PCSK5: variants seen among roughly 807,000 people sequenced by gnomAD.
The protein encoded by PCSK5 is proprotein convertase subtilisin/kexin type 5.
Under a neutral mutation model 233.2 loss-of-function variants are expected in PCSK5, and 129 were observed. The observed-to-expected ratio is 0.55, with a 90% confidence interval of 0.48 to 0.64. The LOEUF is 0.64. Ranked by LOEUF, PCSK5 falls within the 30% of genes least tolerant of loss-of-function variation. PCSK5 has a pLI of 0.00. For synonymous variants in PCSK5, 825 were observed against 879.2 expected, an observed-to-expected ratio of 0.94 and a Z score of 1.09; for missense variants, 2,076 against 2,430.1, an observed-to-expected ratio of 0.85 and a Z score of 3.06.
intron 30 of PCSK5, among the ~76,000 whole-genome samples, chr9:76,318,415 C>T (rs1256594197): frequency 1.3e-5 from 2 of 151,650 alleles, no homozygotes; most frequent in Non-Finnish European, 2.9e-5. Flanking sequence ...CACATGTATA[C>T]CTATGTAACA....
intron 1 of PCSK5, among the ~76,000 whole-genome samples, chr9:75,903,620 T>C (rs973198159): frequency 5.5e-5 from 8 of 145,052 alleles, no homozygotes; most frequent in African/African-American, 1.8e-4. Context: ...ATTATATATA[T>C]ATATAAAATA....
At chr9:76,010,404 T>C (rs1827680944) in intron 3 of PCSK5, among the ~76,000 whole-genome samples, 1 of 152,214 alleles carries the variant, frequency 6.6e-6, no homozygotes, top group African/African-American at 2.4e-5. Context: ...CACATCCTTT[T>C]AAAGGAAGTT....
chr9:76,309,592 G>A (rs1248562827), intron 29 of PCSK5, among the ~76,000 whole-genome samples: 2 of 151,916 alleles, frequency 1.3e-5, no homozygotes, highest in African/African-American at 2.4e-5. Flanking sequence ...CTACGTGGGA[G>A]GCTGAGACAT....
chr9:76,018,333 C>T (rs11791182), intron 3 of PCSK5, among the ~76,000 whole-genome samples: 45,818 of 152,010 alleles, frequency 0.3, 8,257 homozygotes, highest in Non-Finnish European at 0.41. Context: ...GCAGGGGTCC[C>T]CAAGCCCCGG....
intron 3 of PCSK5, among the ~76,000 whole-genome samples, chr9:75,988,467 A>G (rs1221428700): frequency 6.6e-6 from 1 of 151,880 alleles, no homozygotes; most frequent in African/African-American, 2.4e-5. Context: ...GTTTTTGTAG[A>G]AGAAGGGTTT....
intron 22 of PCSK5, among the ~76,000 whole-genome samples, chr9:76,235,012 C>G (rs377623329): frequency 2.8e-4 from 42 of 152,294 alleles, no homozygotes; most frequent in South Asian, 2.3e-3. Flanking sequence ...TGCACTTCCC[C>G]CTTCATGAGC....
intron 2 of PCSK5, among the ~76,000 whole-genome samples, chr9:75,955,149 C>T (rs891752720): frequency 1.3e-5 from 2 of 152,132 alleles, no homozygotes; most frequent in Non-Finnish European, 2.9e-5. Flanking sequence ...ATGCTTCCGA[C>T]AAACTTTGGG....
rs552862473 is a variant in PCSK5 at position 76,087,115 on chromosome 9, G to A, written c.895-8775G>A. 9.2e-5 allele frequency among the ~76,000 whole-genome samples: 14 copies of A among 152,260 alleles called. No homozygotes were observed. In the South Asian group the frequency reaches 2.7e-3, roughly 29 times the overall value. ...AAATCTACACAATTGTGATATTGCTGTCAGGAGCCAAGGGTCACACCAACT... is the reference window on the plus strand; with the variant it reads ...AAATCTACACAATTGTGATATTGCTATCAGGAGCCAAGGGTCACACCAACT... On this transcript the variant is annotated intron_variant, in intron 7 of 37. Coordinates refer to ENST00000674117, the MANE Select transcript of PCSK5 (RefSeq NM_001372043.1).
At chr9:76,210,919 C>T (rs911322991) in intron 20 of PCSK5, among the ~76,000 whole-genome samples, 1 of 152,084 alleles carries the variant, frequency 6.6e-6, no homozygotes, top group Admixed American at 6.5e-5. Flanking sequence ...GAGGAGGGAT[C>T]GGGGATGACT....
intron 24 of PCSK5, among the ~76,000 whole-genome samples, chr9:76,253,290 G>A (rs116041321): frequency 0.028 from 4,270 of 151,922 alleles, 213 homozygotes; most frequent in African/African-American, 0.096. Flanking sequence ...AGCTTCAGAG[G>A]AAGGTTTAGA....
intron 2 of PCSK5, among the ~76,000 whole-genome samples, chr9:75,937,617 C>G (rs914981302): frequency 1.3e-5 from 2 of 152,244 alleles, no homozygotes. Flanking sequence ...AGCCAGGCAC[C>G]TGCTTCTTTC....
intron 3 of PCSK5, among the ~76,000 whole-genome samples, chr9:76,004,144 A>G (rs1563966838): frequency 6.6e-6 from 1 of 151,972 alleles, no homozygotes; most frequent in Non-Finnish European, 1.5e-5. Flanking sequence ...CCTCTGCCTT[A>G]TTGCAGGAAT....
chr9:76,226,799 T>A (rs1390032116), intron 20 of PCSK5, among the ~76,000 whole-genome samples: 1 of 152,120 alleles, frequency 6.6e-6, no homozygotes, highest in African/African-American at 2.4e-5. Flanking sequence ...TTACTTTCCA[T>A]GAGATTGGCC....
intron 24 of PCSK5, chr9:76,287,854 G>C (rs762516655): frequency 2.8e-5 from 6 of 212,428 alleles, no homozygotes; most frequent in African/African-American, 1.4e-4. Flanking sequence ...CATACTTCAG[G>C]CTTCTGCAGG....
At chr9:75,935,350 A>G (rs1824004966) in intron 2 of PCSK5, among the ~76,000 whole-genome samples, 1 of 152,214 alleles carries the variant, frequency 6.6e-6, no homozygotes, top group African/African-American at 2.4e-5. Flanking sequence ...TACAGGCGTG[A>G]GCCACTGAGC....
chr9:76,332,462 G>A lies in PCSK5; in HGVS notation c.4600G>A (p.Gly1534Ser). ...AACCTGTGTGAAGGACTGCCCAGAGGGCTATTATGCCGATGAGGACAGCAA... is the reference window on the plus strand; with the variant it reads ...AACCTGTGTGAAGGACTGCCCAGAGAGCTATTATGCCGATGAGGACAGCAA... ...NTTCVKDCPE[G>S]YYADEDSNRC... The change falls in exon 34 of 38, where the codon GGC becomes AGC. Residue 1534 changes from glycine (G) to serine (S), a missense_variant. By Grantham distance (56) the Gly-to-Ser change is moderately conservative (BLOSUM62 0). Around this residue, in one of 6 missense-constraint regions of PCSK5, gnomAD observed 1,510 missense variants for 1,538.1 expected, o/e 0.98. Coordinates refer to ENST00000674117, the MANE Select transcript of PCSK5 (RefSeq NM_001372043.1). The A allele has an allele frequency of 6.2e-7, 1 of 1,612,710 alleles. No individual in the cohort carries two copies. The highest frequency in any genetic ancestry group is 8.5e-7 in the Non-Finnish European group (1 of 1,179,750).
chr9:76,332,603 A>G lies in PCSK5; in HGVS notation c.4741A>G (p.Arg1581Gly), dbSNP rs1358860484. 2 of 1,580,660 alleles carry G rather than the reference A, an allele frequency of 1.3e-6. No individual in the cohort carries two copies. Among genetic ancestry groups the G allele is most frequent in the Non-Finnish European group, 8.6e-7 (1 of 1,162,572 alleles). ...AGGAAAAGAGTGCCTGCTCCAGTGC[A>G]GGGAAGGGTAAGTGCTCAATACATT... ...QLGKECLLQC[R>G]EGYYADNSTG... Residue 1581 changes from arginine to glycine, a missense_variant, in exon 34 of 38, where the codon AGG becomes GGG. Arg to Gly is a moderately radical substitution (Grantham distance 125). Coordinates refer to ENST00000674117, the MANE Select transcript of PCSK5 (RefSeq NM_001372043.1).
chr9:75,932,324 T>C, intron 1 of PCSK5, 55 bp from the exon 2 acceptor site: 1 of 1,073,876 alleles, frequency 9.3e-7, no homozygotes, highest in Non-Finnish European at 1.4e-6. Flanking sequence ...CAGAAGACGG[T>C]TTTCACACAT....
chr9:76,223,294 G>C (rs745529961), intron 20 of PCSK5, among the ~76,000 whole-genome samples: 1 of 152,162 alleles, frequency 6.6e-6, no homozygotes, highest in Non-Finnish European at 1.5e-5. Flanking sequence ...AGAAAGCGTA[G>C]CATTTGTTCA....
Sources: allele counts gnomAD v4.1 joint callset (sites outside exome capture counted in the v4.1 genomes callset), GRCh38; gene constraint gnomAD v4.1.1; regional missense constraint gnomAD v4.1.1; transcripts MANE v1.5; gene names NCBI Gene and HGNC (gene_info 2026-07-23, HGNC 2026-07-21).